The following ACAA2 variants were observed in gnomAD, a reference collection of about 807,000 sequenced individuals.
ACAA2 encodes the protein 3-ketoacyl-CoA thiolase, mitochondrial.
In ACAA2, 35 loss-of-function variants were observed where a neutral mutation model predicts 44.8. The observed-to-expected ratio is 0.78, with a 90% confidence interval of 0.60 to 1.04. ACAA2 has a LOEUF of 1.04. Ranked by LOEUF, ACAA2 falls within the 50% of genes least tolerant of loss-of-function variation. ACAA2 has a pLI of 0.00. For synonymous variants in ACAA2, 142 were observed against 166.5 expected (o/e 0.85, Z 1.13); for missense variants, 468 against 482.6 (o/e 0.97, Z 0.28).
chr18:49,782,444 T>C lies in ACAA2; in HGVS notation c.*1403A>G, dbSNP rs188533322. ...GTTGAGGAAACAGTGTAGGTACTTA[T>C]GATACTATTATTTAACATCTAGTAT... On this transcript the variant is annotated 3_prime_UTR_variant, in exon 10 of 10. Transcript: ENST00000285093. The C allele has an allele frequency of 2.6e-5, 4 of 151,930 alleles. No homozygotes were observed. The highest frequency in any genetic ancestry group is 6.6e-5 in the Admixed American group (1 of 15,234). The allele number at this position is 151,930 out of a possible 1,614,324, so 9.4% of individuals were successfully genotyped here.
intron 1 of ACAA2, 75 bp from the exon 2 acceptor site, chr18:49,802,928 G>A (rs1227826307): frequency 2.0e-6 from 3 of 1,498,726 alleles, no homozygotes; most frequent in South Asian, 1.1e-5. Context: ...TAATCTCACT[G>A]TGAAACCTTA....
chr18:49,789,096 C>T (rs1473646734), intron 7 of ACAA2, among the ~76,000 whole-genome samples: 1 of 152,184 alleles, frequency 6.6e-6, no homozygotes, highest in African/African-American at 2.4e-5. Context: ...ACCATTGCCA[C>T]CCCTGAGGAG....
chr18:49,797,265 C>CTTTTTTTTTTTTTTTTTTTTTTTT (rs11392686), intron 3 of ACAA2, among the ~76,000 whole-genome samples: 2 of 143,798 alleles, frequency 1.4e-5, no homozygotes, highest in Non-Finnish European at 1.5e-5. Context: ...TCATTATTAG[C>CTTTTTTTTTTTTTTTTTTTTTTTT]TTTTTTTTTT....
chr18:49,798,362 T>TA (rs1054050751), intron 2 of ACAA2, among the ~76,000 whole-genome samples: 1 of 152,128 alleles, frequency 6.6e-6, no homozygotes, highest in African/African-American at 2.4e-5. Flanking sequence ...TAATAAAATG[T>TA]AAGTTCTGAA....
At chr18:49,794,963 C>G (rs1393314493) in intron 4 of ACAA2, among the ~76,000 whole-genome samples, 5 of 152,132 alleles carry the variant, frequency 3.3e-5, no homozygotes, top group Non-Finnish European at 7.4e-5. Flanking sequence ...AATTATTATT[C>G]AAGTAGTTAG....
intron 2 of ACAA2, among the ~76,000 whole-genome samples, chr18:49,797,994 T>C (rs923800760): frequency 1.3e-5 from 2 of 152,234 alleles, no homozygotes; most frequent in African/African-American, 4.8e-5. Context: ...CAGAAATTTA[T>C]AACAATTAGA....
At chr18:49,810,780 T>C (rs1160151807) in intron 1 of ACAA2, among the ~76,000 whole-genome samples, 1 of 151,596 alleles carries the variant, frequency 6.6e-6, no homozygotes, top group African/African-American at 2.4e-5. Flanking sequence ...CTCAACCTCC[T>C]GGGCTCAAGC....
chr18:49,797,744 T>TTA, intron 2 of ACAA2, 150 bp from the exon 3 acceptor site: 1 of 557,508 alleles, frequency 1.8e-6, no homozygotes. Context: ...GTACAGCATA[T>TTA]TATATCTAAT....
At chr18:49,785,396 ACT>A in intron 8 of ACAA2, 45 bp from the exon 9 acceptor site, 1 of 1,593,156 alleles carries the variant, frequency 6.3e-7, no homozygotes. Flanking sequence ...TTACTCACAA[ACT>A]AATTTTTAAA....
chr18:49,806,420 T>G (rs2023610793), intron 1 of ACAA2, among the ~76,000 whole-genome samples: 1 of 152,126 alleles, frequency 6.6e-6, no homozygotes, highest in African/African-American at 2.4e-5. Context: ...AACTTAGATT[T>G]AAGCTGCTGC....
chr18:49,786,387 G>C (rs1176689120), intron 8 of ACAA2: 2 of 151,950 alleles, frequency 1.3e-5, no homozygotes, highest in East Asian at 3.8e-4. Context: ...TTAAATGTGA[G>C]GTCTAAAGTG....
In ACAA2 at chr18:49,794,134, T is replaced by C. The variant is rs2023437607; in HGVS notation, c.577+146A>G. The C allele has an allele frequency of 7.4e-6, 5 of 673,760 alleles. No homozygotes were observed. In the Admixed American group the frequency reaches 1.6e-4, roughly 22 times the overall value. The allele number at this position is 673,760 out of a possible 1,614,324, so 41.7% of individuals were successfully genotyped here. A position where few individuals can be genotyped will look rare whatever the true frequency, so the allele number is the denominator to read the frequency against. ...TTGCAATAATTAATAAAATATCTGA[T>C]CATCTAAAGACAAAGGAATAATGAA... On this transcript the variant is annotated intron_variant, in intron 5 of 9. Transcript: ENST00000285093.
At chr18:49,801,373 G>A in intron 2 of ACAA2, among the ~76,000 whole-genome samples, 1 of 152,148 alleles carries the variant, frequency 6.6e-6, no homozygotes, top group East Asian at 1.9e-4. Flanking sequence ...TAAAGTTTGA[G>A]AGAATACATG....
chr18:49,803,074 C>T (rs1369514529), intron 1 of ACAA2: 1 of 580,948 alleles, frequency 1.7e-6, no homozygotes. Flanking sequence ...CCAAGAACTG[C>T]ACTGCATGCT....
At chr18:49,803,908 C>CT (rs5824806) in intron 1 of ACAA2, among the ~76,000 whole-genome samples, 1,515 of 117,992 alleles carry the variant, frequency 0.013, 37 homozygotes, top group African/African-American at 0.043. Flanking sequence ...AATGATATTG[C>CT]TTTTTTTTTT....
intron 1 of ACAA2, among the ~76,000 whole-genome samples, chr18:49,808,982 C>G (rs1165535418): frequency 6.6e-6 from 1 of 152,146 alleles, no homozygotes; most frequent in Non-Finnish European, 1.5e-5. Flanking sequence ...CTTATCTCAA[C>G]CGCATAAGAC....
chr18:49,804,171 A>G (rs560939935), intron 1 of ACAA2, among the ~76,000 whole-genome samples: 12 of 152,218 alleles, frequency 7.9e-5, no homozygotes, highest in African/African-American at 2.2e-4. Context: ...TCAGCCTCCC[A>G]AAGTGCTAGA....
intron 2 of ACAA2, among the ~76,000 whole-genome samples, chr18:49,802,104 GA>G (rs2023557225): frequency 1.3e-5 from 2 of 152,186 alleles, no homozygotes; most frequent in African/African-American, 4.8e-5. Context: ...GGCATATAGA[GA>G]AGATCAATTA....
Position 49,800,302 on chromosome 18 carries a change from G to A in ACAA2, c.183+2385C>T, listed in dbSNP as rs544628405. Among the ~76,000 whole-genome samples, 48 of 147,738 alleles carry A rather than the reference G, an allele frequency of 3.2e-4. No homozygotes were observed. The South Asian group carries it at 7.6e-3, about 23-fold the overall frequency. On this transcript the variant is annotated intron_variant, in intron 2 of 9. Transcript: ENST00000285093. Reference sequence around the variant, plus strand: ...GGGTCAGCCCCCCGCCCGGCCAGCCGCCCCGTCCGGGAGGTGAGGGGCGCC... The same window carrying A: ...GGGTCAGCCCCCCGCCCGGCCAGCCACCCCGTCCGGGAGGTGAGGGGCGCC...
Sources: allele counts gnomAD v4.1 joint callset (sites outside exome capture counted in the v4.1 genomes callset), GRCh38; gene constraint gnomAD v4.1.1; transcripts MANE v1.5; gene names NCBI Gene and HGNC (gene_info 2026-07-23, HGNC 2026-07-21).